TAF3: variants seen among roughly 807,000 people sequenced by gnomAD.
TAF3 encodes transcription initiation factor TFIID subunit 3.
In TAF3, 7 loss-of-function variants were observed where a neutral mutation model predicts 80.6. The ratio of observed to expected loss-of-function variants is 0.09; its 90% CI spans 0.05 to 0.16. The LOEUF (loss-of-function observed/expected upper bound fraction) is 0.16, where lower values mean the gene tolerates loss of function less well. TAF3 is among the 10% of genes least tolerant of loss of function. The probability of loss-of-function intolerance (pLI) is 1.00; values close to 1 mark genes in which losing one functional copy is unlikely to be tolerated. For synonymous variants in TAF3, 444 were observed against 446.1 expected, an observed-to-expected ratio of 1.00 and a Z score of 0.06; for missense variants, 921 against 1,140.2, an observed-to-expected ratio of 0.81 and a Z score of 2.77.
chr10:7,949,003 G>A (rs1000082125), intron 2 of TAF3, among the ~76,000 whole-genome samples: 2 of 152,252 alleles, frequency 1.3e-5, no homozygotes, highest in African/African-American at 4.8e-5. Context: ...CGGGTGGGGA[G>A]CAAGAGCTGT....
intron 2 of TAF3, among the ~76,000 whole-genome samples, chr10:7,866,750 A>T (rs965347596): frequency 6.6e-6 from 1 of 152,196 alleles, no homozygotes; most frequent in African/African-American, 2.4e-5. Flanking sequence ...GACCCTAGAA[A>T]GCCCAATTAG....
intron 2 of TAF3, among the ~76,000 whole-genome samples, chr10:7,847,154 G>C (rs1464486435): frequency 2.0e-5 from 3 of 152,212 alleles, no homozygotes; most frequent in Non-Finnish European, 1.5e-5. Context: ...GGCCATATAA[G>C]TGAAATTTCA....
chr10:7,868,977 A>G (rs1255202397), intron 2 of TAF3, among the ~76,000 whole-genome samples: 1 of 151,990 alleles, frequency 6.6e-6, no homozygotes, highest in Non-Finnish European at 1.5e-5. Flanking sequence ...ATAACTCCAT[A>G]TTTTTTTCTA....
At chr10:7,865,357 T>C (rs1837200771) in intron 2 of TAF3, among the ~76,000 whole-genome samples, 1 of 152,114 alleles carries the variant, frequency 6.6e-6, no homozygotes, top group South Asian at 2.1e-4. Flanking sequence ...CGGGCGCCTG[T>C]AGTCCCAGCT....
Position 7,898,545 on chromosome 10 carries a change from CAAAAAAAA to C in TAF3, c.410-65357_410-65350del, listed in dbSNP as rs35137273. On this transcript the variant is annotated intron_variant, in intron 2 of 6. Transcript: ENST00000344293. ...TGGGCGACAGAACAAGACTCTGTCT[CAAAAAAAA>C]AAAAAAAAAAAAAAAAATCGAACTC... Among the ~76,000 whole-genome samples the C allele has an allele frequency of 8.1e-4, 78 of 96,188 alleles. 1 individual carries two copies. In the East Asian group the frequency reaches 0.012, roughly 15 times the overall value. 63.1% of individuals were successfully genotyped at this position (96,188 alleles called of 152,430 possible). A position where few individuals can be genotyped will look rare whatever the true frequency, so the allele number is the denominator to read the frequency against.
At chr10:7,931,209 A>G (rs1341709682) in intron 2 of TAF3, among the ~76,000 whole-genome samples, 2 of 152,150 alleles carry the variant, frequency 1.3e-5, no homozygotes, top group African/African-American at 4.8e-5. Context: ...ACCCCTCATA[A>G]TAACTCAGAG....
intron 4 of TAF3, among the ~76,000 whole-genome samples, chr10:7,989,308 G>T (rs1464601947): frequency 6.6e-6 from 1 of 152,180 alleles, no homozygotes; most frequent in Non-Finnish European, 1.5e-5. Flanking sequence ...AAGAGAGAGA[G>T]GGCTGAAGGC....
intron 2 of TAF3, among the ~76,000 whole-genome samples, chr10:7,826,450 TTTTGTTTTGTG>T (rs1327082815): frequency 7.4e-4 from 78 of 105,782 alleles, no homozygotes; most frequent in Admixed American, 7.1e-3. Context: ...GTTTTTTTTG[TTTTGTTTTGTG>T]TTGTTTTGAT....
intron 2 of TAF3, among the ~76,000 whole-genome samples, chr10:7,940,372 A>G (rs1384490004): frequency 6.6e-6 from 1 of 152,260 alleles, no homozygotes; most frequent in African/African-American, 2.4e-5. Context: ...GATGCCATGC[A>G]TATAATAACT....
At chr10:7,888,424 A>C (rs1400049893) in intron 2 of TAF3, among the ~76,000 whole-genome samples, 1 of 152,176 alleles carries the variant, frequency 6.6e-6, no homozygotes, top group East Asian at 1.9e-4. Flanking sequence ...TTGATACATT[A>C]ATTCATTTAC....
chr10:7,978,619 A>G (rs1338188545), intron 4 of TAF3, among the ~76,000 whole-genome samples: 2 of 152,198 alleles, frequency 1.3e-5, no homozygotes, highest in Non-Finnish European at 2.9e-5. Context: ...TATCTTACCT[A>G]CAGAAGCATG....
chr10:7,847,555 C>T (rs374928604), intron 2 of TAF3, among the ~76,000 whole-genome samples: 7 of 152,094 alleles, frequency 4.6e-5, no homozygotes, highest in Non-Finnish European at 8.8e-5. Context: ...AGGGATCTTC[C>T]GCCTCAGCCT....
rs1837036977 is a variant in TAF3 at position 7,852,385 on chromosome 10, T to A, written c.409+27825T>A. On this transcript the variant is annotated intron_variant, in intron 2 of 6. Coordinates refer to ENST00000344293, the MANE Select transcript of TAF3 (RefSeq NM_031923.4). ...AATAACATCCACACGTTGTGACTGG[T>A]TGATCTCTCTCCCTCTCTCATTCTT... Among the ~76,000 whole-genome samples, 3 of 152,214 alleles carry A rather than the reference T, an allele frequency of 2.0e-5. No individual in the cohort carries two copies. In the South Asian group the frequency reaches 6.2e-4, roughly 32 times the overall value.
chr10:7,838,673 T>C (rs1260867254), intron 2 of TAF3, among the ~76,000 whole-genome samples: 1 of 152,140 alleles, frequency 6.6e-6, no homozygotes, highest in Admixed American at 6.6e-5. Context: ...TGAGCCACTG[T>C]GCCTGGCCAA....
chr10:7,867,912 A>G (rs913118120), intron 2 of TAF3, among the ~76,000 whole-genome samples: 1 of 152,228 alleles, frequency 6.6e-6, no homozygotes, highest in African/African-American at 2.4e-5. Context: ...CGTATATTAT[A>G]TGTACTATGT....
intron 2 of TAF3, among the ~76,000 whole-genome samples, chr10:7,861,766 G>A: frequency 6.6e-6 from 1 of 151,340 alleles, no homozygotes; most frequent in East Asian, 1.9e-4. Context: ...TAACTAGGAT[G>A]TGCCTAGGTG....
At chr10:8,007,023 G>A (rs1832000877) in intron 4 of TAF3, among the ~76,000 whole-genome samples, 2 of 152,200 alleles carry the variant, frequency 1.3e-5, no homozygotes, top group South Asian at 4.1e-4. Context: ...TTCCTGGTGA[G>A]GTGAGGATGG....
intron 2 of TAF3, among the ~76,000 whole-genome samples, chr10:7,908,519 A>G (rs1837626118): frequency 6.6e-6 from 1 of 152,182 alleles, no homozygotes; most frequent in African/African-American, 2.4e-5. Flanking sequence ...TATAAATGTC[A>G]TCTGGCATTA....
At chr10:8,007,206 T>C (rs549461198) in intron 4 of TAF3, among the ~76,000 whole-genome samples, 1 of 152,256 alleles carries the variant, frequency 6.6e-6, no homozygotes, top group East Asian at 1.9e-4. Flanking sequence ...ATATAGTAAT[T>C]AGAATAAATA....
Sources: gnomAD v4.1 joint callset for allele counts (sites outside exome capture counted in the v4.1 genomes callset) on GRCh38, gnomAD v4.1.1 for gene constraint, MANE v1.5 for transcripts, NCBI Gene and HGNC (gene_info 2026-07-23, HGNC 2026-07-21) for gene names.